The following COL4A5 variants were observed in gnomAD, a reference collection of about 807,000 sequenced individuals.
COL4A5 encodes collagen type IV alpha 5 chain.
A neutral mutation model predicts 130.2 loss-of-function variants in COL4A5; 26 were observed. That is an observed-to-expected ratio of 0.20 (90% CI 0.15 to 0.28). COL4A5 has a LOEUF of 0.28. Among genes scored for constraint, COL4A5 ranks in the 10% least tolerant of loss-of-function variants. The pLI is 1.00. For missense variants in COL4A5, 1,131 were observed against 1,344.3 expected, an observed-to-expected ratio of 0.84 and a Z score of 2.48; for synonymous variants, 496 against 439.6, an observed-to-expected ratio of 1.13 and a Z score of -1.60.
rs1397742000 is a variant in COL4A5 at position 108,580,671 on chromosome X, T to C, written c.835-11T>C. 8.3e-7 allele frequency: 1 copy of C among 1,209,156 alleles called. No individual in the cohort carries two copies. The highest frequency in any genetic ancestry group is 1.1e-6 in the Non-Finnish European group (1 of 893,336). On this transcript the variant is annotated splice_polypyrimidine_tract_variant and intron_variant, in intron 14 of 52. Coordinates refer to ENST00000328300, the MANE Select transcript of COL4A5 (RefSeq NM_033380.3). Reference sequence around the variant, plus strand: ...CCATGAACCATTGTGAAACTATTTTTATGTGTACAGGGTCCCCCAGGTGGT... The same window carrying C: ...CCATGAACCATTGTGAAACTATTTTCATGTGTACAGGGTCCCCCAGGTGGT...
chrX:108,564,860 A>G (rs1215511968), intron 4 of COL4A5, among the ~76,000 whole-genome samples: 1 of 111,654 alleles, frequency 9.0e-6, no homozygotes, highest in Non-Finnish European at 1.9e-5. Context: ...TCTGTTTGCT[A>G]TATACTTCTT....
At chrX:108,658,085 G>A (rs1201686107) in intron 37 of COL4A5, among the ~76,000 whole-genome samples, 1 of 110,723 alleles carries the variant, frequency 9.0e-6, no homozygotes, top group Admixed American at 9.7e-5. Flanking sequence ...TAATGTTAGT[G>A]CCAGGGTTTT....
rs1020874073 is a variant in COL4A5 at position 108,600,093 on chromosome X, G to A, written c.1948+1223G>A. 2.7e-5 allele frequency among the ~76,000 whole-genome samples: 3 copies of A among 112,408 alleles called. No homozygotes were observed. In the Admixed American group the frequency reaches 2.8e-4, roughly 11 times the overall value. On this transcript the variant is annotated intron_variant, in intron 25 of 52. Transcript: ENST00000328300. Reference sequence around the variant, plus strand: ...GATATTTTGCATTTCTCTGATTAAAGTTTAGCACCTTTTCATGTGTTTATT... The same window carrying A: ...GATATTTTGCATTTCTCTGATTAAAATTTAGCACCTTTTCATGTGTTTATT...
At chrX:108,667,265 T>C (rs1354576199) in intron 40 of COL4A5, 82 bp downstream of exon 40, 1 of 913,504 alleles carries the variant, frequency 1.1e-6, no homozygotes, top group Admixed American at 2.3e-5. Flanking sequence ...CATCTCCACC[T>C]TTTACTATCA....
chrX:108,600,034 C>T (rs758061585), intron 25 of COL4A5, among the ~76,000 whole-genome samples: 80 of 112,115 alleles, frequency 7.1e-4, no homozygotes, highest in African/African-American at 2.4e-3. Context: ...TTTGTATTGT[C>T]GGACTTTTAC....
chrX:108,486,028 G>A (rs1159933012), intron 1 of COL4A5, among the ~76,000 whole-genome samples: 20 of 112,024 alleles, frequency 1.8e-4, no homozygotes, highest in African/African-American at 6.5e-4. Flanking sequence ...TGGTTTGAAT[G>A]CTCCCACTGT....
chrX:108,687,292 A>G (rs1368451435), intron 48 of COL4A5, among the ~76,000 whole-genome samples, 190 bp from the exon 49 acceptor site: 1 of 112,166 alleles, frequency 8.9e-6, no homozygotes, highest in Non-Finnish European at 1.9e-5. Context: ...AGACTAAATA[A>G]CATACAGACT....
chrX:108,563,289 C>T (rs969395742), intron 3 of COL4A5, among the ~76,000 whole-genome samples: 2 of 111,284 alleles, frequency 1.8e-5, no homozygotes, highest in Admixed American at 1.9e-4. Flanking sequence ...GCGGTTGTGA[C>T]TAGAAATGGG....
At chrX:108,587,661 G>A (rs2066358767) in intron 19 of COL4A5, among the ~76,000 whole-genome samples, 1 of 111,030 alleles carries the variant, frequency 9.0e-6, no homozygotes, top group Admixed American at 9.6e-5. Flanking sequence ...GGAACATATG[G>A]TAGTTCTATT....
At chrX:108,471,710 G>C (rs1187696151) in intron 1 of COL4A5, among the ~76,000 whole-genome samples, 2 of 111,839 alleles carry the variant, frequency 1.8e-5, no homozygotes, top group East Asian at 5.6e-4. Flanking sequence ...TTTTTATCTT[G>C]CTCTGGTTCT....
intron 32 of COL4A5, among the ~76,000 whole-genome samples, chrX:108,622,165 G>A (rs1674187475): frequency 8.9e-6 from 1 of 112,310 alleles, no homozygotes; most frequent in African/African-American, 3.2e-5. Flanking sequence ...GTCTCGCTCT[G>A]TTGCCCAGGC....
intron 4 of COL4A5, among the ~76,000 whole-genome samples, chrX:108,564,210 C>A (rs920599386): frequency 9.0e-6 from 1 of 111,274 alleles, no homozygotes; most frequent in Non-Finnish European, 1.9e-5. Context: ...TAAAGTTTGT[C>A]ATTTAATTAA....
intron 36 of COL4A5, among the ~76,000 whole-genome samples, chrX:108,643,321 C>T (rs1332537832): frequency 8.9e-6 from 1 of 111,872 alleles, no homozygotes; most frequent in Non-Finnish European, 1.9e-5. Context: ...ACTTCCCCAG[C>T]CTTGCTAGAG....
At chrX:108,667,204 C>T in intron 40 of COL4A5, 21 bp downstream of exon 40, 2 of 1,142,742 alleles carry the variant, frequency 1.8e-6, no homozygotes, top group Non-Finnish European at 2.4e-6. Flanking sequence ...ATAAAACATG[C>T]TAAATCAATC....
At chrX:108,480,448 C>A (rs754023556) in intron 1 of COL4A5, among the ~76,000 whole-genome samples, 2 of 112,847 alleles carry the variant, frequency 1.8e-5, no homozygotes, top group Non-Finnish European at 3.7e-5. Context: ...ATAATGTCAT[C>A]AACATAATGG....
chrX:108,565,488 C>T (rs1292480402), intron 4 of COL4A5, among the ~76,000 whole-genome samples: 1 of 111,995 alleles, frequency 8.9e-6, no homozygotes. Context: ...CTAACAACCA[C>T]GTAACAACTA....
rs1324240604 is a variant in COL4A5, at chrX:108,687,487, C to T, written c.4321C>T (p.Arg1441Cys). The change falls in exon 49 of 53, where the codon CGT (arginine) becomes TGT (cysteine). Residue 1441 changes from arginine to cysteine, a missense_variant. Physicochemically the swap from Arg to Cys is radical, Grantham distance 180. Coordinates refer to ENST00000328300, the MANE Select transcript of COL4A5 (RefSeq NM_033380.3). ...TGATTATTTCGTGGAAATAGGTACC[C>T]GTGGTTTGGATGGTCCCCCTGGTCC... Reference protein sequence around the residue: ...DPGLPGQPGTRGLDGPPGPDG... With the variant: ...DPGLPGQPGTCGLDGPPGPDG... 6 of 1,209,737 alleles carry T rather than the reference C, an allele frequency of 5.0e-6. No homozygotes were observed. The highest frequency in any genetic ancestry group is 2.2e-5 in the Admixed American group (1 of 46,009).
At chrX:108,453,298 G>A (rs2064547529) in intron 1 of COL4A5, among the ~76,000 whole-genome samples, 1 of 111,261 alleles carries the variant, frequency 9.0e-6, no homozygotes, top group Non-Finnish European at 1.9e-5. Context: ...TATAACTATT[G>A]GAAACCAGAT....
intron 1 of COL4A5, among the ~76,000 whole-genome samples, chrX:108,457,915 T>G (rs1423046017): frequency 3.6e-5 from 4 of 112,309 alleles, no homozygotes; most frequent in African/African-American, 9.7e-5. Flanking sequence ...AGTCCATTTC[T>G]TTTTTATTTG....
Sources: gnomAD v4.1 joint callset for allele counts (sites outside exome capture counted in the v4.1 genomes callset) on GRCh38, gnomAD v4.1.1 for gene constraint, MANE v1.5 for transcripts, NCBI Gene and HGNC (gene_info 2026-07-23, HGNC 2026-07-21) for gene names.